Variants in KCNAB1 observed in about 807,000 individuals in gnomAD.
KCNAB1 encodes voltage-gated potassium channel subunit beta-1.
KCNAB1 carries 35 observed loss-of-function variants against 64.6 expected under a neutral mutation model. The observed-to-expected ratio is 0.54, with a 90% CI of 0.41 to 0.72. The LOEUF is 0.72. Ranked by LOEUF, KCNAB1 falls within the 30% of genes least tolerant of loss-of-function variation. The probability of loss-of-function intolerance (pLI) is 0.00; values close to 1 mark genes in which losing one functional copy is unlikely to be tolerated. For synonymous variants in KCNAB1, 177 were observed against 183.8 expected (o/e 0.96, Z 0.30); for missense variants, 401 against 512.9 (o/e 0.78, Z 2.11).
chr3:156,199,961 C>T (rs182664007), intron 1 of KCNAB1, among the ~76,000 whole-genome samples: 58 of 152,290 alleles, frequency 3.8e-4, no homozygotes, highest in African/African-American at 1.3e-3. Flanking sequence ...CTGGATTTAT[C>T]TACCTTTGAT....
chr3:156,421,446 G>T (rs1216324300), intron 1 of KCNAB1, among the ~76,000 whole-genome samples, 170 bp from the exon 2 acceptor site: 1 of 152,208 alleles, frequency 6.6e-6, no homozygotes, highest in Non-Finnish European at 1.5e-5. Flanking sequence ...CCTGATGCCT[G>T]AGTGGCCATG....
intron 1 of KCNAB1, among the ~76,000 whole-genome samples, chr3:156,307,666 T>C (rs1721597167): frequency 6.6e-6 from 1 of 152,170 alleles, no homozygotes; most frequent in South Asian, 2.1e-4. Context: ...GATGTGTAAA[T>C]GGGAGGCTGT....
intron 1 of KCNAB1, among the ~76,000 whole-genome samples, chr3:156,227,068 A>T (rs892260236): frequency 7.2e-5 from 11 of 152,248 alleles, no homozygotes; most frequent in Non-Finnish European, 1.2e-4. Context: ...CTACATGATG[A>T]TTAAGTGCTT....
chr3:156,157,010 G>A (rs911079274), intron 1 of KCNAB1, among the ~76,000 whole-genome samples: 1 of 152,168 alleles, frequency 6.6e-6, no homozygotes, highest in Non-Finnish European at 1.5e-5. Context: ...TGAGTGTGCA[G>A]AAAGGCAGGA....
intron 1 of KCNAB1, among the ~76,000 whole-genome samples, chr3:156,226,618 C>T (rs143691475): frequency 6.6e-6 from 1 of 152,280 alleles, no homozygotes; most frequent in East Asian, 1.9e-4. Context: ...GCAGGGTTAA[C>T]AGACAAAAAT....
intron 1 of KCNAB1, among the ~76,000 whole-genome samples, chr3:156,166,745 G>T (rs1374003408): frequency 6.6e-6 from 1 of 152,094 alleles, no homozygotes; most frequent in African/African-American, 2.4e-5. Flanking sequence ...AATGTCTAAT[G>T]GAATTGGTAG....
At chr3:156,531,345 G>A in intron 12 of KCNAB1, 64 bp from the exon 13 acceptor site, 1 of 1,209,914 alleles carries the variant, frequency 8.3e-7, no homozygotes, top group Non-Finnish European at 1.2e-6. Context: ...TGTAGCAGGT[G>A]TTTATAAGCT....
intron 1 of KCNAB1, among the ~76,000 whole-genome samples, chr3:156,121,342 C>T (rs1247897314): frequency 6.6e-6 from 1 of 152,118 alleles, no homozygotes; most frequent in Admixed American, 6.5e-5. Context: ...AATGAGGGGT[C>T]AGGCTGGCCA....
At chr3:156,429,092 C>T (rs1236152047) in intron 2 of KCNAB1, among the ~76,000 whole-genome samples, 1 of 152,216 alleles carries the variant, frequency 6.6e-6, no homozygotes, top group Admixed American at 6.5e-5. Flanking sequence ...ATTTAAAATT[C>T]AGATAATCTC....
At chr3:156,217,236 A>G (rs923690177) in intron 1 of KCNAB1, among the ~76,000 whole-genome samples, 1 of 152,246 alleles carries the variant, frequency 6.6e-6, no homozygotes, top group Admixed American at 6.5e-5. Flanking sequence ...AGTTCTGATG[A>G]ATCTGTAAAA....
intron 1 of KCNAB1, among the ~76,000 whole-genome samples, chr3:156,211,256 A>G (rs1714985982): frequency 6.6e-6 from 1 of 152,232 alleles, no homozygotes; most frequent in African/African-American, 2.4e-5. Context: ...AAAAGTCACA[A>G]AATGCATTAC....
intron 1 of KCNAB1, among the ~76,000 whole-genome samples, chr3:156,354,069 GTGTGTATATA>G (rs1725045254): frequency 6.8e-6 from 1 of 146,178 alleles, no homozygotes; most frequent in Non-Finnish European, 1.5e-5. Context: ...GTGTGTGTGT[GTGTGTATATA>G]TGTGTGTATA....
In KCNAB1 at chr3:156,246,652, C is replaced by T. The variant is rs1337929972; in HGVS notation, c.275+125766C>T. Among the ~76,000 whole-genome samples, 5 of 146,944 alleles carry T rather than the reference C, an allele frequency of 3.4e-5. No individual in the cohort carries two copies. In the East Asian group the frequency reaches 6.0e-4, roughly 18 times the overall value. ...AAAGCAGCAAAAAAAAAAAAAAAAC[C>T]CAACATTTTATGTTAGTCATTTATA... On this transcript the variant is annotated intron_variant, in intron 1 of 13. Coordinates refer to ENST00000490337, the MANE Select transcript of KCNAB1 (RefSeq NM_172160.3).
intron 1 of KCNAB1, chr3:156,228,017 T>A (rs1012762334): frequency 6.6e-6 from 1 of 152,190 alleles, no homozygotes; most frequent in African/African-American, 2.4e-5. Context: ...AGGATCCAGT[T>A]TTAAACTTAC....
chr3:156,227,990 G>A (rs1716289040), intron 1 of KCNAB1: 1 of 152,256 alleles, frequency 6.6e-6, no homozygotes, highest in Admixed American at 6.5e-5. Flanking sequence ...CACGGGAAGA[G>A]AGAGCAGGTA....
intron 1 of KCNAB1, among the ~76,000 whole-genome samples, chr3:156,319,889 A>T (rs1018826125): frequency 3.3e-5 from 5 of 152,160 alleles, no homozygotes; most frequent in Admixed American, 1.3e-4. Flanking sequence ...TGTAAGTACC[A>T]TGTTACTATT....
intron 1 of KCNAB1, among the ~76,000 whole-genome samples, chr3:156,261,106 C>G (rs1337938907): frequency 6.6e-6 from 1 of 151,954 alleles, no homozygotes; most frequent in East Asian, 1.9e-4. Context: ...TATCTTCTTT[C>G]TATTGAGTTA....
intron 1 of KCNAB1, among the ~76,000 whole-genome samples, chr3:156,304,701 T>A (rs1350592623): frequency 3.3e-5 from 5 of 152,172 alleles, no homozygotes; most frequent in East Asian, 1.9e-4. Flanking sequence ...ACAAAGAACA[T>A]GCACTAAAGA....
At position 156,379,453 on chromosome 3, in the gene KCNAB1, C is replaced by T. The variant is rs77493659; in HGVS notation, c.276-42163C>T. Among the ~76,000 whole-genome samples the T allele has an allele frequency of 6.2e-4, 94 of 152,162 alleles. 1 individual carries two copies. The East Asian group carries it at 0.016, about 26-fold the overall frequency. ...GGAATTGTATTTTTTAAAGGGTACT[C>T]AGGGAAGGCTTTCTTGGGAAGGTGA... On this transcript the variant is annotated intron_variant, in intron 1 of 13. Transcript: ENST00000490337.
Sources: gnomAD v4.1 joint callset for allele counts (sites outside exome capture counted in the v4.1 genomes callset) on GRCh38, gnomAD v4.1.1 for gene constraint, MANE v1.5 for transcripts, NCBI Gene and HGNC (gene_info 2026-07-23, HGNC 2026-07-21) for gene names.